CSMD1: variants seen among roughly 807,000 people sequenced by gnomAD.
The protein encoded by CSMD1 is CUB and Sushi multiple domains 1, also known as CUB and sushi domain-containing protein 1.
A neutral mutation model predicts 417.5 loss-of-function variants in CSMD1; 213 were observed. That is an observed-to-expected ratio of 0.51 (90% CI 0.46 to 0.57). CSMD1 has a LOEUF of 0.57. Among genes scored for constraint, CSMD1 ranks in the 20% least tolerant of loss-of-function variants. The pLI, the probability that CSMD1 is intolerant of heterozygous loss-of-function variation, is 0.00. For missense variants in CSMD1, 6,923 were observed against 4,529.7 expected, an observed-to-expected ratio of 1.53 and a Z score of -15.17; for synonymous variants, 2,862 against 1,736.8, an observed-to-expected ratio of 1.65 and a Z score of -16.11.
At chr8:4,742,919 A>G (rs558328099) in intron 1 of CSMD1, among the ~76,000 whole-genome samples, 1 of 152,216 alleles carries the variant, frequency 6.6e-6, no homozygotes, top group Non-Finnish European at 1.5e-5. Flanking sequence ...ATCTGAAAAT[A>G]AATTGTAAAA....
chr8:4,816,458 C>A (rs920221200), intron 1 of CSMD1, among the ~76,000 whole-genome samples: 1 of 152,048 alleles, frequency 6.6e-6, no homozygotes, highest in Non-Finnish European at 1.5e-5. Context: ...AAACTCCTGA[C>A]CTCAAGTGAT....
rs6989090 is a variant in CSMD1, at chr8:4,330,821, T to C, written c.415+89132A>G. Reference sequence around the variant, plus strand: ...TATCTTCTGAAGCACTGTTCATTCTTGCACATGCAGCTCATATCCCACCTT... The same window carrying C: ...TATCTTCTGAAGCACTGTTCATTCTCGCACATGCAGCTCATATCCCACCTT... On this transcript the variant is annotated intron_variant, in intron 3 of 69. Transcript: ENST00000635120. Among the ~76,000 whole-genome samples the C allele has an allele frequency of 9.0e-3, 1,368 of 152,244 alleles. 16 individuals are homozygous for C. Among genetic ancestry groups the C allele is most frequent in the African/African-American group, 0.03 (1,264 of 41,554 alleles).
At chr8:4,832,378 T>A (rs1211443571) in intron 1 of CSMD1, among the ~76,000 whole-genome samples, 1 of 152,136 alleles carries the variant, frequency 6.6e-6, no homozygotes, top group Non-Finnish European at 1.5e-5. Flanking sequence ...ACTTGACACA[T>A]GACTGAAAGA....
chr8:4,875,727 A>T (rs533266187), intron 1 of CSMD1, among the ~76,000 whole-genome samples: 1 of 152,258 alleles, frequency 6.6e-6, no homozygotes, highest in Admixed American at 6.5e-5. Context: ...ACTAACAAAT[A>T]TGTATATAGG....
intron 7 of CSMD1, among the ~76,000 whole-genome samples, chr8:3,703,323 T>G (rs1430848789): frequency 6.6e-6 from 1 of 152,186 alleles, no homozygotes; most frequent in Non-Finnish European, 1.5e-5. Context: ...GTAAAGAAGC[T>G]GATGAACGTG....
chr8:4,109,833 G>T (rs1029925366), intron 3 of CSMD1, among the ~76,000 whole-genome samples: 1 of 152,114 alleles, frequency 6.6e-6, no homozygotes, highest in Admixed American at 6.5e-5. Flanking sequence ...ACTTAAAACA[G>T]AGTAAGATAA....
At chr8:3,709,504 G>C (rs1322037804) in intron 6 of CSMD1, among the ~76,000 whole-genome samples, 2 of 151,926 alleles carry the variant, frequency 1.3e-5, no homozygotes, top group African/African-American at 2.4e-5. Context: ...GTGTCTGTGA[G>C]AATGTCATGG....
chr8:4,991,252 G>C (rs556825169), intron 1 of CSMD1, among the ~76,000 whole-genome samples: 1 of 152,198 alleles, frequency 6.6e-6, no homozygotes, highest in East Asian at 1.9e-4. Context: ...CTTTTCCCCT[G>C]GTCCCTGAAA....
At chr8:4,106,392 T>A (rs145968856) in intron 3 of CSMD1, among the ~76,000 whole-genome samples, 36 of 152,354 alleles carry the variant, frequency 2.4e-4, no homozygotes, top group African/African-American at 7.9e-4. Context: ...GCATAATTGA[T>A]CTGGTAAATA....
chr8:3,001,117 C>G (rs1807371138), intron 52 of CSMD1, among the ~76,000 whole-genome samples: 1 of 151,986 alleles, frequency 6.6e-6, no homozygotes, highest in Non-Finnish European at 1.5e-5. Context: ...GGAGATGGGA[C>G]TACGCCACCA....
chr8:4,907,651 C>G (rs895569901), intron 1 of CSMD1, among the ~76,000 whole-genome samples: 2 of 152,156 alleles, frequency 1.3e-5, no homozygotes, highest in Non-Finnish European at 2.9e-5. Flanking sequence ...CCTCAATTTT[C>G]CAGGCTCTAA....
intron 8 of CSMD1, among the ~76,000 whole-genome samples, chr8:3,591,238 T>G (rs567990933): frequency 1.1e-4 from 17 of 152,324 alleles, no homozygotes; most frequent in African/African-American, 1.9e-4. Context: ...AAATTTTGAC[T>G]TTTCAATTAA....
At chr8:3,134,731 A>T (rs1315707642) in intron 41 of CSMD1, among the ~76,000 whole-genome samples, 8 of 152,094 alleles carry the variant, frequency 5.3e-5, no homozygotes. Flanking sequence ...GGCTGACACT[A>T]CTACTTTGGT....
chr8:4,077,279 C>CTATATATATATATGTGTATATATATA lies in CSMD1; in HGVS notation c.416-45181_416-45180insTATATATATACACATATATATATATA, dbSNP rs1281597523. ...CCCACTGTAAAAGCCCATTTGTCAC[C>CTATATATATATATGTGTATATATATA]TATATATATATATATGTGTATATAT... On this transcript the variant is annotated intron_variant, in intron 3 of 69. Coordinates refer to ENST00000635120, the MANE Select transcript of CSMD1 (RefSeq NM_033225.6). Among the ~76,000 whole-genome samples the CTATATATATATATGTGTATATATATA allele has an allele frequency of 4.8e-4, 46 of 94,984 alleles. 1 individual carries two copies. The highest frequency in any genetic ancestry group is 5.5e-3 in the Middle Eastern group (1 of 182). 62.3% of individuals were successfully genotyped at this position (94,984 alleles called of 152,430 possible). A position where few individuals can be genotyped will look rare whatever the true frequency, so the allele number is the denominator to read the frequency against.
chr8:3,121,960 T>C (rs1039418601), intron 41 of CSMD1, among the ~76,000 whole-genome samples: 1 of 152,148 alleles, frequency 6.6e-6, no homozygotes, highest in Non-Finnish European at 1.5e-5. Context: ...ACCTAAATAT[T>C]ATAGAGAATT....
intron 3 of CSMD1, among the ~76,000 whole-genome samples, chr8:4,138,867 T>A (rs936439498): frequency 3.3e-5 from 5 of 152,156 alleles, no homozygotes; most frequent in Admixed American, 1.3e-4. Context: ...GTGAATTATT[T>A]AATAGGAAGG....
intron 26 of CSMD1, among the ~76,000 whole-genome samples, chr8:3,234,809 T>C (rs867466406): frequency 5.9e-5 from 9 of 152,236 alleles, no homozygotes; most frequent in Non-Finnish European, 7.3e-5. Flanking sequence ...TTGGCCATCA[T>C]CTTGGTACCA....
rs139454810 is a variant in CSMD1, at chr8:4,526,611, A to C, written c.303-106546T>G. On this transcript the variant is annotated intron_variant, in intron 2 of 69. Coordinates refer to ENST00000635120, the MANE Select transcript of CSMD1 (RefSeq NM_033225.6). ...AAACACTGATCATGTCTCTTTCACC[A>C]ACTTGACATCACTCTTGGGAATTAA... is the stretch of plus-strand genomic sequence containing the variant. Among the ~76,000 whole-genome samples, 300 of 152,352 alleles carry C rather than the reference A, an allele frequency of 2.0e-3. 1 individual carries two copies. The highest frequency in any genetic ancestry group is 6.7e-3 in the African/African-American group (280 of 41,590).
chr8:4,713,612 C>T (rs536974345), intron 1 of CSMD1, among the ~76,000 whole-genome samples: 4 of 151,928 alleles, frequency 2.6e-5, no homozygotes, highest in African/African-American at 9.7e-5. Context: ...TATGATAATG[C>T]ATAAAGTTCT....
Sources: gnomAD v4.1 joint callset for allele counts (sites outside exome capture counted in the v4.1 genomes callset) on GRCh38, gnomAD v4.1.1 for gene constraint, MANE v1.5 for transcripts, NCBI Gene and HGNC (gene_info 2026-07-23, HGNC 2026-07-21) for gene names.